COX7B2: variants seen among roughly 807,000 people sequenced by gnomAD.
The protein encoded by COX7B2 is cytochrome c oxidase subunit 7B2.
For synonymous variants in COX7B2, 37 were observed against 32.1 expected (o/e 1.15, Z -0.51); for missense variants, 109 against 95.9 (o/e 1.14, Z -0.57).
At chr4:46,800,009 C>T (rs1467816170) in intron 2 of COX7B2, among the ~76,000 whole-genome samples, 1 of 151,932 alleles carries the variant, frequency 6.6e-6, no homozygotes, top group Non-Finnish European at 1.5e-5. Context: ...TTTTTTATTA[C>T]TGATTAAATT....
chr4:46,860,487 G>C (rs1648539437), intron 1 of COX7B2, among the ~76,000 whole-genome samples: 1 of 151,780 alleles, frequency 6.6e-6, no homozygotes, highest in African/African-American at 2.4e-5. Flanking sequence ...TTCACCAGGG[G>C]CCCAAGTTAG....
intron 2 of COX7B2, among the ~76,000 whole-genome samples, chr4:46,828,231 C>T (rs1199878628): frequency 6.6e-6 from 1 of 151,802 alleles, no homozygotes; most frequent in Non-Finnish European, 1.5e-5. Flanking sequence ...TTAAAACTAA[C>T]AAAGTATTAA....
At chr4:46,880,412 CTTT>C (rs548281459) in intron 1 of COX7B2, among the ~76,000 whole-genome samples, 9,412 of 85,964 alleles carry the variant, frequency 0.11, 286 homozygotes, top group South Asian at 0.26. Flanking sequence ...AGGTCCTGGG[CTTT>C]TTTTTTTTTT....
chr4:46,812,370 TA>T (rs71654851), intron 2 of COX7B2, among the ~76,000 whole-genome samples: 103,633 of 148,430 alleles, frequency 0.7, 36,096 homozygotes, highest in East Asian at 0.81. Context: ...GAATAAAAAT[TA>T]AAAAAAAAAA....
At chr4:46,854,864 A>T (rs1716913199) in intron 1 of COX7B2, among the ~76,000 whole-genome samples, 1 of 152,174 alleles carries the variant, frequency 6.6e-6, no homozygotes, top group Non-Finnish European at 1.5e-5. Flanking sequence ...GAAATATGCT[A>T]TTGTAACATT....
chr4:46,781,704 C>A (rs981974541), intron 2 of COX7B2, among the ~76,000 whole-genome samples: 2 of 152,202 alleles, frequency 1.3e-5, no homozygotes, highest in African/African-American at 4.8e-5. Flanking sequence ...GGAACCTGGG[C>A]TGCGCCTGGC....
chr4:46,828,196 A>T (rs1038888921), intron 2 of COX7B2, among the ~76,000 whole-genome samples: 15 of 152,218 alleles, frequency 9.9e-5, no homozygotes, highest in Non-Finnish European at 1.8e-4. Flanking sequence ...GAAAGATTAA[A>T]GACAGGGAGG....
chr4:46,761,833 G>A (rs1342899862), intron 2 of COX7B2, among the ~76,000 whole-genome samples: 1 of 151,876 alleles, frequency 6.6e-6, no homozygotes, highest in East Asian at 1.9e-4. Flanking sequence ...GTGCCGAGAT[G>A]AGTGAATTAT....
At chr4:46,788,388 C>T (rs1717861742) in intron 2 of COX7B2, among the ~76,000 whole-genome samples, 1 of 152,096 alleles carries the variant, frequency 6.6e-6, no homozygotes, top group Middle Eastern at 3.4e-3. Flanking sequence ...GTTTTGATGA[C>T]AATGTGTTCT....
In COX7B2 at chr4:46,900,061, A is replaced by C. The variant is rs55730946; in HGVS notation, c.-105+9099T>G. 8.6e-3 allele frequency among the ~76,000 whole-genome samples: 1,307 copies of C among 152,316 alleles called. 20 individuals are homozygous for C. Among genetic ancestry groups the C allele is most frequent in the South Asian group, 0.015 (74 of 4,824 alleles). ...TACCACAAGGATTAAATCTGTAGCA[A>C]TTTGTTTCCCTAATGATGGAGCTAA... On this transcript the variant is annotated intron_variant, in intron 1 of 2. Coordinates refer to ENST00000355591, the MANE Select transcript of COX7B2 (RefSeq NM_130902.3).
chr4:46,889,614 A>C (rs960847076), intron 1 of COX7B2, among the ~76,000 whole-genome samples: 1 of 152,216 alleles, frequency 6.6e-6, no homozygotes, highest in African/African-American at 2.4e-5. Flanking sequence ...GTACACATTC[A>C]ATCAATGGGT....
intron 2 of COX7B2, among the ~76,000 whole-genome samples, 183 bp downstream of exon 2, chr4:46,844,777 G>C (rs1281089841): frequency 2.0e-5 from 3 of 149,776 alleles, no homozygotes; most frequent in Non-Finnish European, 4.4e-5. Flanking sequence ...ACTGACATCT[G>C]TCTCTTTGTG....
At chr4:46,755,739 G>A (rs978103762) in intron 2 of COX7B2, among the ~76,000 whole-genome samples, 1 of 151,902 alleles carries the variant, frequency 6.6e-6, no homozygotes, top group Non-Finnish European at 1.5e-5. Context: ...AAAATACCTA[G>A]GAATGTATTT....
intron 2 of COX7B2, among the ~76,000 whole-genome samples, chr4:46,808,470 T>C (rs766012702): frequency 5.9e-5 from 9 of 151,808 alleles, no homozygotes; most frequent in Non-Finnish European, 1.2e-4. Context: ...CATGGGCAAA[T>C]AGAGATAATT....
chr4:46,748,296 T>C (rs1191590576), intron 2 of COX7B2, among the ~76,000 whole-genome samples: 6 of 152,160 alleles, frequency 3.9e-5, no homozygotes, highest in Non-Finnish European at 7.4e-5. Flanking sequence ...ACCAAAAATA[T>C]TGATAAAGCA....
At chr4:46,745,335 C>T (rs1432766972) in intron 2 of COX7B2, among the ~76,000 whole-genome samples, 2 of 152,108 alleles carry the variant, frequency 1.3e-5, no homozygotes, top group African/African-American at 4.8e-5. Flanking sequence ...ACCTAGATAA[C>T]TTATGGTGCA....
At chr4:46,856,958 G>A (rs1170561288) in intron 1 of COX7B2, among the ~76,000 whole-genome samples, 2 of 152,188 alleles carry the variant, frequency 1.3e-5, no homozygotes, top group African/African-American at 4.8e-5. Flanking sequence ...GAGTTTGATA[G>A]ACCCGTGTAA....
chr4:46,850,743 C>T (rs1029168345), intron 1 of COX7B2, among the ~76,000 whole-genome samples: 2 of 152,038 alleles, frequency 1.3e-5, no homozygotes, highest in African/African-American at 2.4e-5. Context: ...GTACATAGGT[C>T]GAACATATTG....
chr4:46,905,911 G>A (rs1720361249), intron 1 of COX7B2, among the ~76,000 whole-genome samples: 1 of 128,022 alleles, frequency 7.8e-6, no homozygotes, highest in Non-Finnish European at 1.6e-5. Context: ...CTCACTGCAA[G>A]CTCCGCTTCC....
Sources: allele counts gnomAD v4.1 joint callset (sites outside exome capture counted in the v4.1 genomes callset), GRCh38; gene constraint gnomAD v4.1.1; transcripts MANE v1.5; gene names NCBI Gene and HGNC (gene_info 2026-07-23, HGNC 2026-07-21).